RGS6: variants seen among roughly 807,000 people sequenced by gnomAD.
RGS6 encodes the protein regulator of G-protein signaling 6.
A neutral mutation model predicts 78.5 loss-of-function variants in RGS6; 30 were observed. The ratio of observed to expected loss-of-function variants is 0.38; its 90% CI spans 0.29 to 0.52. The LOEUF is 0.52. Among genes scored for constraint, RGS6 ranks in the 20% least tolerant of loss-of-function variants. The pLI is 0.85. For synonymous variants in RGS6, 206 were observed against 206.0 expected, an observed-to-expected ratio of 1.00 and a Z score of 0.00; for missense variants, 495 against 609.7, an observed-to-expected ratio of 0.81 and a Z score of 1.98.
rs1395406145 is a variant in RGS6, at chr14:72,565,950, T to C, written c.*3483T>C. 1 of 151,826 alleles carries C rather than the reference T, an allele frequency of 6.6e-6. No individual in the cohort carries two copies. The highest frequency in any genetic ancestry group is 2.4e-5 in the African/African-American group (1 of 41,310). 9.4% of individuals were successfully genotyped at this position (151,826 alleles called of 1,614,324 possible). A position where few individuals can be genotyped will look rare whatever the true frequency, so the allele number is the denominator to read the frequency against. ...AGGTGTTGCTGCAAGGTCCAGGAGC[T>C]GGGAAACTCTGGGCTCGGGGGGAGA... On this transcript the variant is annotated 3_prime_UTR_variant, in exon 18 of 18. Coordinates refer to ENST00000553525, the MANE Select transcript of RGS6 (RefSeq NM_001204424.2).
rs180801808 is a variant in RGS6, at chr14:72,106,170, T to C, written c.84+141295T>C. Reference sequence around the variant, plus strand: ...TCATGATATTGATAAGAACTTTTTTTCTAAGTTCTGTTGATCTGTCTTTCT... The same window carrying C: ...TCATGATATTGATAAGAACTTTTTTCCTAAGTTCTGTTGATCTGTCTTTCT... On this transcript the variant is annotated intron_variant, in intron 2 of 17. Coordinates refer to ENST00000553525, the MANE Select transcript of RGS6 (RefSeq NM_001204424.2). 7.2e-3 allele frequency among the ~76,000 whole-genome samples: 1,097 copies of C among 152,352 alleles called. 39 individuals carry two copies. Among genetic ancestry groups the C allele is most frequent in the Admixed American group, 0.063 (959 of 15,302 alleles).
chr14:72,027,896 G>C (rs999038090), intron 2 of RGS6, among the ~76,000 whole-genome samples: 2 of 152,224 alleles, frequency 1.3e-5, no homozygotes, highest in African/African-American at 4.8e-5. Context: ...TCTTCGGTGA[G>C]ATGACTTGAC....
At chr14:72,019,174 C>G (rs2087787835) in intron 2 of RGS6, among the ~76,000 whole-genome samples, 1 of 152,264 alleles carries the variant, frequency 6.6e-6, no homozygotes, top group East Asian at 1.9e-4. Context: ...CTGGCCCAAT[C>G]CCATGTCAGG....
the RGS6 span, among the ~76,000 whole-genome samples, chr14:72,577,530 C>T: frequency 6.6e-6 from 1 of 152,114 alleles, no homozygotes; most frequent in Non-Finnish European, 1.5e-5. Context: ...CTTACCATCA[C>T]ACCTGGGGAA....
At chr14:72,102,646 TC>T (rs1328477996) in intron 2 of RGS6, among the ~76,000 whole-genome samples, 1 of 152,202 alleles carries the variant, frequency 6.6e-6, no homozygotes, top group Non-Finnish European at 1.5e-5. Context: ...AAAGCACCTT[TC>T]CTTGGTCTAA....
At chr14:72,411,075 C>T (rs2093374570) in intron 3 of RGS6, among the ~76,000 whole-genome samples, 1 of 152,086 alleles carries the variant, frequency 6.6e-6, no homozygotes, top group African/African-American at 2.4e-5. Context: ...TCCATATGAA[C>T]TTTAAAGTAG....
intron 3 of RGS6, among the ~76,000 whole-genome samples, chr14:72,447,508 A>T (rs188307710): frequency 6.6e-6 from 1 of 152,180 alleles, no homozygotes; most frequent in Non-Finnish European, 1.5e-5. Context: ...TAAGTAACAC[A>T]AGGATTCCAA....
chr14:71,924,274 A>AT, the RGS6 span, among the ~76,000 whole-genome samples: 1 of 152,086 alleles, frequency 6.6e-6, no homozygotes, highest in Non-Finnish European at 1.5e-5. Context: ...TTTTGTAATT[A>AT]ATTTTTTTTC....
chr14:71,891,573 A>T, the RGS6 span, among the ~76,000 whole-genome samples: 4 of 152,214 alleles, frequency 2.6e-5, no homozygotes, highest in Non-Finnish European at 5.9e-5. Flanking sequence ...CAGAAGTCAC[A>T]TGGATGGTGT....
chr14:72,037,338 T>G (rs962622735), intron 2 of RGS6, among the ~76,000 whole-genome samples: 1 of 152,196 alleles, frequency 6.6e-6, no homozygotes, highest in Non-Finnish European at 1.5e-5. Context: ...GCTCACTCTT[T>G]GGGTCCGCAC....
chr14:72,360,730 A>G (rs1420401185), intron 3 of RGS6, among the ~76,000 whole-genome samples: 1 of 152,152 alleles, frequency 6.6e-6, no homozygotes, highest in East Asian at 1.9e-4. Flanking sequence ...GTCAACTAGG[A>G]AAGTAGAGAT....
intron 17 of RGS6, chr14:72,550,448 C>T: frequency 6.5e-7 from 1 of 1,534,828 alleles, no homozygotes. Flanking sequence ...GCCCCCGTGC[C>T]TAACAGGAAA....
the RGS6 span, among the ~76,000 whole-genome samples, chr14:71,889,263 CA>C: frequency 3.9e-5 from 6 of 151,946 alleles, no homozygotes. Context: ...GGGGGCAAGG[CA>C]CAGACAGAAA....
intron 2 of RGS6, among the ~76,000 whole-genome samples, chr14:72,104,197 C>T (rs1597620053): frequency 2.0e-5 from 3 of 152,222 alleles, no homozygotes; most frequent in Admixed American, 6.5e-5. Context: ...CGGTTTTGCT[C>T]TCTCCCCCTC....
intron 13 of RGS6, among the ~76,000 whole-genome samples, chr14:72,507,245 A>C (rs1025632681): frequency 6.6e-6 from 1 of 152,178 alleles, no homozygotes; most frequent in African/African-American, 2.4e-5. Flanking sequence ...AAACACAGGA[A>C]GAGAGAGTGC....
intron 2 of RGS6, among the ~76,000 whole-genome samples, chr14:72,247,899 C>T (rs765394595): frequency 6.6e-6 from 1 of 152,148 alleles, no homozygotes; most frequent in Non-Finnish European, 1.5e-5. Context: ...TCCCAGCCTC[C>T]AGAACTATAA....
At chr14:72,028,693 A>T (rs1379843713) in intron 2 of RGS6, among the ~76,000 whole-genome samples, 7 of 152,220 alleles carry the variant, frequency 4.6e-5, no homozygotes, top group Non-Finnish European at 1.0e-4. Flanking sequence ...TGAGTATGGA[A>T]GGCTTAGGTG....
chr14:72,303,590 G>C (rs189361934), intron 2 of RGS6, among the ~76,000 whole-genome samples: 50 of 152,128 alleles, frequency 3.3e-4, no homozygotes, highest in Non-Finnish European at 5.9e-4. Flanking sequence ...TTCAATAAAG[G>C]CATTTTTAAG....
intron 2 of RGS6, among the ~76,000 whole-genome samples, chr14:71,988,902 T>C (rs2094837023): frequency 6.6e-6 from 1 of 152,168 alleles, no homozygotes; most frequent in South Asian, 2.1e-4. Context: ...TCAAATAATA[T>C]GTTTCCTTTC....
Sources: gnomAD v4.1 joint callset for allele counts (sites outside exome capture counted in the v4.1 genomes callset) on GRCh38, gnomAD v4.1.1 for gene constraint, MANE v1.5 for transcripts, NCBI Gene and HGNC (gene_info 2026-07-23, HGNC 2026-07-21) for gene names.